Variants in MPRIP observed in about 807,000 individuals in gnomAD.
MPRIP encodes myosin phosphatase Rho-interacting protein.
MPRIP carries 59 observed loss-of-function variants against 234.9 expected under a neutral mutation model. That is an observed-to-expected ratio of 0.25 (90% CI 0.20 to 0.31). MPRIP has a LOEUF of 0.31. MPRIP is among the 10% of genes least tolerant of loss of function. The probability of loss-of-function intolerance (pLI) is 1.00; values close to 1 mark genes in which losing one functional copy is unlikely to be tolerated. For synonymous variants in MPRIP, 1,144 were observed against 1,263.9 expected, an observed-to-expected ratio of 0.91 and a Z score of 2.01; for missense variants, 2,436 against 3,071.0, an observed-to-expected ratio of 0.79 and a Z score of 4.89.
chr17:17,151,572 T>G (rs1597466831), intron 12 of MPRIP, among the ~76,000 whole-genome samples: 1 of 152,228 alleles, frequency 6.6e-6, no homozygotes, highest in African/African-American at 2.4e-5. Context: ...TACTTTCACA[T>G]GGCCCAAACC....
At position 17,189,415 on chromosome 17, in the gene MPRIP, T is replaced by G. The variant is rs2046542033; in HGVS notation, c.*4521T>G. 4 of 151,946 alleles carry G rather than the reference T, an allele frequency of 2.6e-5. No individual in the cohort carries two copies. The highest frequency in any genetic ancestry group is 6.6e-5 in the Admixed American group (1 of 15,240). The allele number at this position is 151,946 out of a possible 1,614,324, so 9.4% of individuals were successfully genotyped here. ...CATGTTGGTCAGGATGGTCTCGATT[T>G]CCTGACCTCGTGATCCGCCTGTCTC... On this transcript the variant is annotated 3_prime_UTR_variant, in exon 24 of 24. Coordinates refer to ENST00000651222, the MANE Select transcript of MPRIP (RefSeq NM_001364716.4).
chr17:17,057,803 G>A (rs1044412056), intron 1 of MPRIP: 12 of 683,534 alleles, frequency 1.8e-5, no homozygotes, highest in South Asian at 3.1e-5. Flanking sequence ...TGACCTCCAG[G>A]GATCTTCACA....
intron 3 of MPRIP, among the ~76,000 whole-genome samples, chr17:17,082,008 A>T (rs1267752691): frequency 2.6e-5 from 4 of 152,162 alleles, no homozygotes; most frequent in Non-Finnish European, 5.9e-5. Flanking sequence ...ACAATCTAGA[A>T]ACCCAGATTG....
chr17:17,113,739 C>T (rs2144304308), intron 3 of MPRIP, among the ~76,000 whole-genome samples: 3 of 152,308 alleles, frequency 2.0e-5, no homozygotes, highest in Middle Eastern at 6.8e-3. Context: ...TACTGCTTTC[C>T]AGAGTGGCTG....
In MPRIP at chr17:17,158,389, A is replaced by G. The variant is rs200671559; in HGVS notation, c.1830-43A>G. The G allele has an allele frequency of 7.7e-4, 1,153 of 1,504,262 alleles. 5 individuals carry two copies. In the African/African-American group the frequency reaches 0.012, roughly 16 times the overall value. 93.2% of individuals were successfully genotyped at this position (1,504,262 alleles called of 1,614,324 possible). A position where few individuals can be genotyped will look rare whatever the true frequency, so the allele number is the denominator to read the frequency against. On this transcript the variant is annotated intron_variant, in intron 13 of 23. Transcript: ENST00000651222. ...CAGCTTCTGCCTGGCAGGCCACACC[A>G]GAGCCGCCCCTGACAGGCTATGTCC...
chr17:17,120,576 G>A (rs969447644), intron 3 of MPRIP, among the ~76,000 whole-genome samples: 24 of 152,164 alleles, frequency 1.6e-4, no homozygotes, highest in African/African-American at 5.6e-4. Flanking sequence ...CCTTAGCTGG[G>A]GTAGGGTGGA....
intron 3 of MPRIP, among the ~76,000 whole-genome samples, chr17:17,089,489 A>T (rs927674880): frequency 6.6e-5 from 10 of 151,286 alleles, no homozygotes; most frequent in African/African-American, 2.4e-4. Context: ...TTTTTTAGAG[A>T]TTGGGTTTTT....
At chr17:17,180,634 A>G in intron 23 of MPRIP, 1 of 1,614,032 alleles carries the variant, frequency 6.2e-7, no homozygotes. Flanking sequence ...CTCGTGGGAT[A>G]CCTGAAATGC....
At chr17:17,178,415 T>A (rs961688631) in intron 22 of MPRIP, 1 of 152,212 alleles carries the variant, frequency 6.6e-6, no homozygotes, top group Non-Finnish European at 1.5e-5. Context: ...CCTTGAGTAG[T>A]CAGGCTTGGT....
intron 6 of MPRIP, among the ~76,000 whole-genome samples, chr17:17,137,386 C>G (rs781234801): frequency 7.2e-4 from 110 of 152,180 alleles, no homozygotes; most frequent in Non-Finnish European, 1.1e-3. Context: ...TGGGGGTGCA[C>G]ACCTGTAGTC....
At chr17:17,085,092 G>A (rs991748683) in intron 3 of MPRIP, among the ~76,000 whole-genome samples, 3 of 152,276 alleles carry the variant, frequency 2.0e-5, no homozygotes, top group South Asian at 4.1e-4. Flanking sequence ...GGTCCTGGTC[G>A]CAAGGGAAAG....
chr17:17,088,645 C>T (rs1257248715), intron 3 of MPRIP, among the ~76,000 whole-genome samples: 15 of 152,178 alleles, frequency 9.9e-5, no homozygotes, highest in Admixed American at 9.8e-4. Flanking sequence ...TCCACTCTCA[C>T]CTTTTAGGCT....
At chr17:17,106,077 T>C (rs936219490) in intron 3 of MPRIP, among the ~76,000 whole-genome samples, 2 of 152,096 alleles carry the variant, frequency 1.3e-5, no homozygotes, top group Non-Finnish European at 2.9e-5. Context: ...CTTTGAGGGA[T>C]CTCAGAGCAC....
Position 17,158,882 on chromosome 17 carries a change from G to C in MPRIP, c.2280G>C (p.Gln760His). 1 of 1,612,164 alleles carries C rather than the reference G, an allele frequency of 6.2e-7. No individual in the cohort carries two copies. Among genetic ancestry groups the C allele is most frequent in the Non-Finnish European group, 8.5e-7 (1 of 1,180,028 alleles). The change falls in exon 14 of 24, where the codon CAG becomes CAC. Residue 760 changes from glutamine (Q) to histidine (H), a missense_variant. Transcript: ENST00000651222. ...VHVEIEQRWH[Q>H]VETTPLREEK... Reference sequence around the variant, plus strand: ...TGGAGATTGAGCAGCGGTGGCATCAGGTGGAGACCACACCTCTCCGGGAAG... The same window carrying C: ...TGGAGATTGAGCAGCGGTGGCATCACGTGGAGACCACACCTCTCCGGGAAG...
chr17:17,082,766 T>G (rs2089494411), intron 3 of MPRIP, among the ~76,000 whole-genome samples: 1 of 152,186 alleles, frequency 6.6e-6, no homozygotes, highest in Non-Finnish European at 1.5e-5. Flanking sequence ...CCCATTGAAC[T>G]ATAACTCCCT....
At chr17:17,179,334 C>A (rs2046324504) in intron 22 of MPRIP, among the ~76,000 whole-genome samples, 1 of 152,000 alleles carries the variant, frequency 6.6e-6, no homozygotes, top group Non-Finnish European at 1.5e-5. Context: ...GTAGTCCCAG[C>A]TACTCGGGAG....
chr17:17,141,211 C>T (rs1387658160), intron 7 of MPRIP, among the ~76,000 whole-genome samples: 1 of 152,206 alleles, frequency 6.6e-6, no homozygotes, highest in East Asian at 1.9e-4. Context: ...GAGCCCTCAT[C>T]CTGGAAGTGG....
Position 17,139,568 on chromosome 17 carries a change from G to A in MPRIP, c.1250+1139G>A, listed in dbSNP as rs556421280. Among the ~76,000 whole-genome samples, 21 of 152,294 alleles carry A rather than the reference G, an allele frequency of 1.4e-4. No individual in the cohort carries two copies. The East Asian group carries it at 3.9e-3, about 28-fold the overall frequency. ...CAACCTGGAGCTCAGAGTTAGAGAC[G>A]CTACCAGGAGGGACAGGTGAAGGCA... On this transcript the variant is annotated intron_variant, in intron 7 of 23. Transcript: ENST00000651222.
In MPRIP at chr17:17,167,707, A is replaced by G. The variant is rs1244518220; in HGVS notation, c.6116A>G (p.Gln2039Arg). 1.5e-6 allele frequency: 2 copies of G among 1,304,162 alleles called. No homozygotes were observed. The highest frequency in any genetic ancestry group is 4.6e-5 in the Admixed American group (2 of 43,576). The allele number at this position is 1,304,162 out of a possible 1,614,324, so 80.8% of individuals were successfully genotyped here. A position where few individuals can be genotyped will look rare whatever the true frequency, so the allele number is the denominator to read the frequency against. The change falls in exon 16 of 24, where the codon CAG (glutamine) becomes CGG (arginine). Residue 2039 changes from glutamine to arginine, a missense_variant. Physicochemically the swap from Gln to Arg is conservative, Grantham distance 43 (BLOSUM62 1). Transcript: ENST00000651222. This position sits in a 1 kb window ranked among gnomAD's most constrained non-coding sequence, Gnocchi z 5.9. ...CTTCAGGACACCCTCTGCCTCCACC[A>G]GGGGCCACACCCCAAGGCCCTGCCA... Reference protein sequence around the residue: ...RCLQDTLCLHQGPHPKALPAP... With the variant: ...RCLQDTLCLHRGPHPKALPAP...
Sources: gnomAD v4.1 joint callset for allele counts (sites outside exome capture counted in the v4.1 genomes callset) on GRCh38, gnomAD v4.1.1 for gene constraint, Gnocchi (gnomAD v3.1) non-coding constraint, MANE v1.5 for transcripts, NCBI Gene and HGNC (gene_info 2026-07-23, HGNC 2026-07-21) for gene names.